Variants in LIMCH1 observed in about 807,000 individuals in gnomAD.
The protein encoded by LIMCH1 is LIM and calponin homology domains-containing protein 1.
In LIMCH1, 113 loss-of-function variants were observed where a neutral mutation model predicts 176.5. That is an observed-to-expected ratio of 0.64 (90% CI 0.55 to 0.75). LIMCH1 has a LOEUF of 0.75. Ranked by LOEUF, LIMCH1 falls within the 30% of genes least tolerant of loss-of-function variation. The probability of loss-of-function intolerance (pLI) is 0.00; values close to 1 mark genes in which losing one functional copy is unlikely to be tolerated. For synonymous variants in LIMCH1, 619 were observed against 645.9 expected (o/e 0.96, Z 0.63); for missense variants, 1,674 against 1,814.9 (o/e 0.92, Z 1.41).
chr4:41,384,413 T>C (rs2056193090), intron 1 of LIMCH1, among the ~76,000 whole-genome samples: 1 of 151,970 alleles, frequency 6.6e-6, no homozygotes, highest in South Asian at 2.1e-4. Flanking sequence ...TTTCACCGTA[T>C]TAGCCAGGAT....
chr4:41,474,252 G>T (rs1200710963), intron 1 of LIMCH1, among the ~76,000 whole-genome samples: 1 of 151,946 alleles, frequency 6.6e-6, no homozygotes, highest in Non-Finnish European at 1.5e-5. Flanking sequence ...ACTTTGGGAG[G>T]CTGAGGCAGG....
intron 1 of LIMCH1, among the ~76,000 whole-genome samples, chr4:41,552,169 A>G (rs1034516018): frequency 6.6e-6 from 1 of 152,138 alleles, no homozygotes; most frequent in Non-Finnish European, 1.5e-5. Flanking sequence ...ACCTGCCCCC[A>G]TTATTCAGTT....
chr4:41,669,521 G>C (rs2094943012), intron 21 of LIMCH1, among the ~76,000 whole-genome samples: 1 of 152,176 alleles, frequency 6.6e-6, no homozygotes, highest in Non-Finnish European at 1.5e-5. Flanking sequence ...GTAGGTCTAG[G>C]CTGGGGCCAG....
chr4:41,550,572 A>G (rs1195166893), intron 1 of LIMCH1, among the ~76,000 whole-genome samples: 4 of 152,128 alleles, frequency 2.6e-5, no homozygotes, highest in Non-Finnish European at 5.9e-5. Context: ...GTTAAGTGCC[A>G]TGGCAACAAA....
intron 3 of LIMCH1, among the ~76,000 whole-genome samples, chr4:41,526,578 C>T (rs933470513): frequency 7.9e-5 from 12 of 152,106 alleles, no homozygotes; most frequent in Non-Finnish European, 1.6e-4. Flanking sequence ...ATGCCTGTGC[C>T]TCCCTCTCTA....
At chr4:41,520,277 G>A (rs1283034700) in intron 2 of LIMCH1, among the ~76,000 whole-genome samples, 3 of 151,998 alleles carry the variant, frequency 2.0e-5, no homozygotes, top group Non-Finnish European at 4.4e-5. Flanking sequence ...TGGCCTTCTG[G>A]TTGTTCCTTG....
At chr4:41,362,043 A>G (rs1246423602) in intron 1 of LIMCH1, among the ~76,000 whole-genome samples, 1 of 152,194 alleles carries the variant, frequency 6.6e-6, no homozygotes, top group African/African-American at 2.4e-5. Flanking sequence ...TCCGTTCAGC[A>G]TTGTGGTTCC....
intron 1 of LIMCH1, among the ~76,000 whole-genome samples, chr4:41,547,863 G>GTGTGTATATATATATATA (rs774873739): frequency 2.1e-5 from 2 of 93,220 alleles, no homozygotes; most frequent in African/African-American, 8.7e-5. Flanking sequence ...TTGTGTGTGT[G>GTGTGTATATATATATATA]TATATATATA....
chr4:41,654,388 G>A (rs1385673656), intron 18 of LIMCH1, among the ~76,000 whole-genome samples: 6 of 152,148 alleles, frequency 3.9e-5, no homozygotes, highest in Admixed American at 2.6e-4. Flanking sequence ...TTGCCCAACC[G>A]CGAATGTAAG....
chr4:41,653,366 A>G (rs2094366836), intron 18 of LIMCH1, among the ~76,000 whole-genome samples: 1 of 150,820 alleles, frequency 6.6e-6, no homozygotes, highest in Non-Finnish European at 1.5e-5. Context: ...TTAATTGGTC[A>G]TGGCAAAATA....
chr4:41,679,360 CT>C (rs753564754), intron 23 of LIMCH1, among the ~76,000 whole-genome samples: 12 of 152,122 alleles, frequency 7.9e-5, no homozygotes, highest in African/African-American at 1.2e-4. Flanking sequence ...TTAGTGTGTT[CT>C]TTTTTCCCCC....
At chr4:41,583,766 A>C (rs991297883) in intron 1 of LIMCH1, among the ~76,000 whole-genome samples, 1 of 150,946 alleles carries the variant, frequency 6.6e-6, no homozygotes, top group Non-Finnish European at 1.5e-5. Flanking sequence ...ATTTCCACCC[A>C]ATTTCTCTCT....
intron 16 of LIMCH1, 79 bp downstream of exon 16, chr4:41,646,359 A>G (rs890875993): frequency 2.0e-5 from 30 of 1,518,556 alleles, no homozygotes; most frequent in Non-Finnish European, 2.5e-5. Flanking sequence ...TGGCTGTCAC[A>G]AAGGTTCTGA....
chr4:41,500,939 G>A (rs1583190062), intron 2 of LIMCH1, among the ~76,000 whole-genome samples: 4 of 152,278 alleles, frequency 2.6e-5, no homozygotes, highest in African/African-American at 2.4e-5. Flanking sequence ...AATGAGAGAG[G>A]TGGACCTGGA....
intron 1 of LIMCH1, among the ~76,000 whole-genome samples, chr4:41,595,812 C>T (rs1429750195): frequency 6.6e-6 from 1 of 151,874 alleles, no homozygotes; most frequent in Non-Finnish European, 1.5e-5. Context: ...AATCCCAGCA[C>T]GTTGCAGGGC....
intron 18 of LIMCH1, among the ~76,000 whole-genome samples, chr4:41,653,543 C>G (rs2094373291): frequency 6.6e-6 from 1 of 152,166 alleles, no homozygotes; most frequent in Non-Finnish European, 1.5e-5. Context: ...ACTGCATTCC[C>G]AACAGATACA....
chr4:41,695,902 A>G (rs141366801), intron 31 of LIMCH1, among the ~76,000 whole-genome samples: 196 of 152,124 alleles, frequency 1.3e-3, no homozygotes, highest in Middle Eastern at 6.8e-3. Flanking sequence ...AGATGCAATA[A>G]AAGAGTCAGA....
chr4:41,469,950 G>A (rs2066711289), intron 1 of LIMCH1, among the ~76,000 whole-genome samples: 1 of 152,158 alleles, frequency 6.6e-6, no homozygotes, highest in South Asian at 2.1e-4. Context: ...AAGGTGCTGG[G>A]ATTACAGGTG....
chr4:41,692,659 T>G (rs960150705), intron 31 of LIMCH1: 3 of 324,978 alleles, frequency 9.2e-6, no homozygotes, highest in African/African-American at 6.4e-5. Flanking sequence ...GATTTTGGTG[T>G]GATAGAAAGG....
Sources: gnomAD v4.1 joint callset for allele counts (sites outside exome capture counted in the v4.1 genomes callset) on GRCh38, gnomAD v4.1.1 for gene constraint, MANE v1.5 for transcripts, NCBI Gene and HGNC (gene_info 2026-07-23, HGNC 2026-07-21) for gene names.